IGF2: variants seen among roughly 807,000 people sequenced by gnomAD.
The protein encoded by IGF2 is insulin-like growth factor 2.
IGF2 carries 2 observed loss-of-function variants against 12.0 expected under a neutral mutation model. The ratio of observed to expected loss-of-function variants is 0.17; its 90% confidence interval spans 0.07 to 0.52. The LOEUF (loss-of-function observed/expected upper bound fraction) is 0.52, where lower values mean the gene tolerates loss of function less well. Ranked by LOEUF, IGF2 falls within the 20% of genes least tolerant of loss-of-function variation. The pLI is 0.95. For synonymous variants in IGF2, 105 were observed against 110.1 expected (o/e 0.95, Z 0.29); for missense variants, 211 against 268.0 (o/e 0.79, Z 1.48).
upstream of IGF2, chr11:2,140,044 C>G (rs866239911): frequency 3.0e-6 from 4 of 1,319,806 alleles, no homozygotes; most frequent in Admixed American, 8.2e-5. Flanking sequence ...CCGGCTGCGC[C>G]GGGCCGAATC....
At chr11:2,138,061 C>T (rs1468465126) in intron 1 of IGF2, among the ~76,000 whole-genome samples, 168 bp downstream of exon 1, 1 of 151,710 alleles carries the variant, frequency 6.6e-6, no homozygotes, top group Non-Finnish European at 1.5e-5. Context: ...GAACGGGACC[C>T]GCAGCCGTCC....
In IGF2 at chr11:2,139,050, T is replaced by TGGGGGG; in HGVS notation, c.-829_-828insCCCCCC. ...CGAGGCTGCGCGCCGGGGGGAGGGC[T>TGGGGGG]GGAGGGGGAGCGCGGGGGGGGGTGA... On this transcript the variant is annotated 5_prime_UTR_variant, in exon 1 of 4. Transcript: ENST00000416167. The TGGGGGG allele has an allele frequency of 7.2e-6, 1 of 138,948 alleles. No individual in the cohort carries two copies. Among genetic ancestry groups the TGGGGGG allele is most frequent in the Non-Finnish European group, 8.2e-6 (1 of 122,350 alleles). The allele number at this position is 138,948 out of a possible 1,614,324, so 8.6% of individuals were successfully genotyped here. A position where few individuals can be genotyped will look rare whatever the true frequency, so the allele number is the denominator to read the frequency against.
At chr11:2,134,766 C>T (rs528676659) in intron 2 of IGF2, among the ~76,000 whole-genome samples, 6 of 152,206 alleles carry the variant, frequency 3.9e-5, no homozygotes, top group African/African-American at 1.2e-4. Flanking sequence ...CCTGCCAGCC[C>T]CCAGGCTGGA....
the IGF2 span, chr11:2,148,675 C>T: frequency 1.1e-5 from 2 of 177,030 alleles, no homozygotes; most frequent in African/African-American, 4.8e-5. The surrounding 1 kb of genome is among the most constrained non-coding windows in gnomAD (Gnocchi z 4.3). Context: ...AATCTCGGGC[C>T]CCTGGCTCCT....
At chr11:2,145,500 C>G (rs1002937163), upstream of IGF2, among the ~76,000 whole-genome samples, 1 of 152,228 alleles carries the variant, frequency 6.6e-6, no homozygotes, top group East Asian at 1.9e-4. Flanking sequence ...TGTGGGTTCT[C>G]CTCCTCTTTG....
At chr11:2,147,269 C>T in the IGF2 span, 18 of 294,444 alleles carry the variant, frequency 6.1e-5, no homozygotes, top group South Asian at 1.6e-4. The surrounding 1 kb of genome is among the most constrained non-coding windows in gnomAD (Gnocchi z 7.2). Context: ...TTTGGCTGCC[C>T]GCTCTCTCCC....
intron 2 of IGF2, among the ~76,000 whole-genome samples, 198 bp downstream of exon 2, chr11:2,135,169 G>A (rs1274564058): frequency 3.3e-5 from 5 of 152,208 alleles, no homozygotes; most frequent in African/African-American, 4.8e-5. Flanking sequence ...CGAAGGAGGC[G>A]TGTGATGGGA....
chr11:2,140,043 C>G, upstream of IGF2: 1 of 1,307,766 alleles, frequency 7.6e-7, no homozygotes, highest in Non-Finnish European at 1.0e-6. Flanking sequence ...GCCGGCTGCG[C>G]CGGGCCGAAT....
In IGF2 at chr11:2,131,339, AATCTT is replaced by A; in HGVS notation, c.*1643_*1647del. The A allele has an allele frequency of 4.3e-6, 1 of 233,320 alleles. No individual in the cohort carries two copies. The highest frequency in any genetic ancestry group is 8.5e-6 in the Non-Finnish European group (1 of 118,074). 14.5% of individuals were successfully genotyped at this position (233,320 alleles called of 1,614,324 possible). Reference sequence around the variant, plus strand: ...GGCTCAGACCATGAAAACATTGGAGAATCTTAGCGGGACTTTGGCCTGATCCATAC... The same window carrying A: ...GGCTCAGACCATGAAAACATTGGAGAAGCGGGACTTTGGCCTGATCCATAC... On this transcript the variant is annotated 3_prime_UTR_variant, in exon 4 of 4. Transcript: ENST00000416167.
In IGF2 at chr11:2,133,275, C is replaced by T. The variant is rs1858747253; in HGVS notation, c.307-52G>A. ...GGTGCCTGCTCTCCACGCTCTTCCG[C>T]CTGAGCCGCCCGCCTGACCTGACAG... On this transcript the variant is annotated intron_variant, in intron 3 of 3. Coordinates refer to ENST00000416167, the MANE Select transcript of IGF2 (RefSeq NM_000612.6). The surrounding 1 kb of genome is among the most constrained non-coding windows in gnomAD (Gnocchi z 8.9). The T allele has an allele frequency of 2.3e-6, 3 of 1,299,484 alleles. No individual in the cohort carries two copies. The highest frequency in any genetic ancestry group is 3.2e-6 in the Non-Finnish European group (3 of 945,792). The allele number at this position is 1,299,484 out of a possible 1,614,324, so 80.5% of individuals were successfully genotyped here.
upstream of IGF2, chr11:2,140,890 A>G (rs1859541252): frequency 2.7e-6 from 1 of 374,886 alleles, no homozygotes; most frequent in Admixed American, 3.5e-5. Flanking sequence ...CGGGCGCACC[A>G]GGAGCTCAGG....
rs1482379537 is a variant in IGF2, at chr11:2,131,550, A to ATG, written c.*1435_*1436dup. 1 of 192,654 alleles carries ATG rather than the reference A, an allele frequency of 5.2e-6. No homozygotes were observed. The highest frequency in any genetic ancestry group is 2.7e-5 in the African/African-American group (1 of 36,942). 11.9% of individuals were successfully genotyped at this position (192,654 alleles called of 1,614,324 possible). A position where few individuals can be genotyped will look rare whatever the true frequency, so the allele number is the denominator to read the frequency against. ...GCATGAGTGTGTGTGCTGTGTGTGC[A>ATG]TGTGTGTGCTGTGTGTTTGTGTGTG... On this transcript the variant is annotated 3_prime_UTR_variant, in exon 4 of 4. Coordinates refer to ENST00000416167, the MANE Select transcript of IGF2 (RefSeq NM_000612.6).
chr11:2,141,593 G>T (rs1859602063), upstream of IGF2, among the ~76,000 whole-genome samples: 1 of 152,204 alleles, frequency 6.6e-6, no homozygotes, highest in African/African-American at 2.4e-5. Flanking sequence ...TGAAAGCAAG[G>T]AACACATTTT....
Position 2,130,150 on chromosome 11 carries a change from C to CT in IGF2, c.*2836dup, listed in dbSNP as rs1161955436. On this transcript the variant is annotated 3_prime_UTR_variant, in exon 4 of 4. Transcript: ENST00000416167. ...CCCTGCCCCAGCCTGATGGAACCCT[C>CT]TGTTTACACACCTGCTAGCCCCTTC... is the stretch of plus-strand genomic sequence containing the variant. 12 of 231,036 alleles carry CT rather than the reference C, an allele frequency of 5.2e-5. No homozygotes were observed. Among genetic ancestry groups the CT allele is most frequent in the Non-Finnish European group, 6.9e-5 (8 of 116,720 alleles). 14.3% of individuals were successfully genotyped at this position (231,036 alleles called of 1,614,324 possible). A position where few individuals can be genotyped will look rare whatever the true frequency, so the allele number is the denominator to read the frequency against.
Position 2,133,313 on chromosome 11 carries a change from A to G in IGF2, c.307-90T>C, listed in dbSNP as rs1858751216. 1.9e-6 allele frequency: 2 copies of G among 1,064,098 alleles called. No individual in the cohort carries two copies. Among genetic ancestry groups the G allele is most frequent in the Admixed American group, 2.8e-5 (1 of 35,904 alleles). 65.9% of individuals were successfully genotyped at this position (1,064,098 alleles called of 1,614,324 possible). The stretch of plus-strand genomic sequence containing the variant: ...CCTGACCTGACAGGCCACCCCTGTG[A>G]CTGATCAGTGACTTGAGCTAATGTC... On this transcript the variant is annotated intron_variant, in intron 3 of 3. Transcript: ENST00000416167. This position sits in a 1 kb window ranked among gnomAD's most constrained non-coding sequence, Gnocchi z 8.9.
chr11:2,146,299 CA>C, the IGF2 span: 1 of 536,196 alleles, frequency 1.9e-6, no homozygotes. Flanking sequence ...CAGCATTTTA[CA>C]AACCCAGCTC....
intron 1 of IGF2, chr11:2,137,216 CAGG>C (rs993244122): frequency 6.4e-4 from 627 of 974,356 alleles, no homozygotes; most frequent in South Asian, 1.1e-3. Context: ...CTCGCTGGGG[CAGG>C]AGGAGGAGGA....
the IGF2 span, chr11:2,149,214 G>A: frequency 9.9e-6 from 16 of 1,613,404 alleles, no homozygotes; most frequent in East Asian, 2.2e-5. Flanking sequence ...GCTCTCTGCC[G>A]AAACTGCCTG....
chr11:2,133,396 G>A lies in IGF2; in HGVS notation c.306+121C>T, dbSNP rs1277157677. ...GAGCTGCTCCCGGGCCACACAGCAA[G>A]CAAGGAAGTCACGGGTCCTTGTCCC... On this transcript the variant is annotated intron_variant, in intron 3 of 3. Transcript: ENST00000416167. The surrounding 1 kb of genome is among the most constrained non-coding windows in gnomAD (Gnocchi z 8.9). 1 of 1,196,646 alleles carries A rather than the reference G, an allele frequency of 8.4e-7. No individual in the cohort carries two copies. The highest frequency in any genetic ancestry group is 1.5e-5 in the African/African-American group (1 of 64,880). The allele number at this position is 1,196,646 out of a possible 1,614,324, so 74.1% of individuals were successfully genotyped here.
Sources: allele counts gnomAD v4.1 joint callset (sites outside exome capture counted in the v4.1 genomes callset), GRCh38; gene constraint gnomAD v4.1.1; non-coding constraint Gnocchi (gnomAD v3.1); transcripts MANE v1.5; gene names NCBI Gene and HGNC (gene_info 2026-07-23, HGNC 2026-07-21).